The following TRAPPC9 variants were observed in gnomAD, a reference collection of about 807,000 sequenced individuals.
TRAPPC9 encodes the protein trafficking protein particle complex subunit 9.
In TRAPPC9, 83 loss-of-function variants were observed where a neutral mutation model predicts 124.0. The ratio of observed to expected loss-of-function variants is 0.67; its 90% CI spans 0.56 to 0.80. TRAPPC9 has a LOEUF of 0.80. TRAPPC9 is among the 30% of genes least tolerant of loss of function. The pLI is 0.00. For missense variants in TRAPPC9, 1,302 were observed against 1,508.3 expected, an observed-to-expected ratio of 0.86 and a Z score of 2.27; for synonymous variants, 638 against 617.5, an observed-to-expected ratio of 1.03 and a Z score of -0.49.
chr8:139,834,474 G>T (rs1358079555), intron 21 of TRAPPC9, among the ~76,000 whole-genome samples: 1 of 152,242 alleles, frequency 6.6e-6, no homozygotes, highest in Non-Finnish European at 1.5e-5. Flanking sequence ...AGGAAGGGGG[G>T]CGGGCACAGC....
rs1412430738 is a variant in TRAPPC9, at chr8:140,182,295, T to G, written c.2556+39164A>C. On this transcript the variant is annotated intron_variant, in intron 17 of 22. Transcript: ENST00000438773. This position sits in a 1 kb window ranked among gnomAD's most constrained non-coding sequence, Gnocchi z 4.0. ...CGAAGCCTGCCTTTCCCTAAGACCT[T>G]GGTCTATTCAACTGTTTTCTACATA... Among the ~76,000 whole-genome samples the G allele has an allele frequency of 6.6e-6, 1 of 152,018 alleles. No homozygotes were observed. Among genetic ancestry groups the G allele is most frequent in the African/African-American group, 2.4e-5 (1 of 41,378 alleles).
At chr8:140,390,433 T>G (rs1275311359) in intron 7 of TRAPPC9, among the ~76,000 whole-genome samples, 1 of 152,204 alleles carries the variant, frequency 6.6e-6, no homozygotes, top group African/African-American at 2.4e-5. Flanking sequence ...TCATTCTCAA[T>G]GCCTTCCTGG....
In TRAPPC9 at chr8:139,878,202, T is replaced by C. The variant is rs199973245; in HGVS notation, c.3055+7677A>G. 4.6e-5 allele frequency among the ~76,000 whole-genome samples: 7 copies of C among 152,340 alleles called. No individual in the cohort carries two copies. In the East Asian group the frequency reaches 1.3e-3, roughly 29 times the overall value. ...GTATAGTTCAGCCCTTAACAATATG[T>C]GCGAGACATGTTTATAACATGGGAA... On this transcript the variant is annotated intron_variant, in intron 21 of 22. Transcript: ENST00000438773.
At chr8:140,247,652 A>G (rs2064019350) in intron 16 of TRAPPC9, among the ~76,000 whole-genome samples, 1 of 151,912 alleles carries the variant, frequency 6.6e-6, no homozygotes, top group South Asian at 2.1e-4. Flanking sequence ...CTGGTGTCTC[A>G]TAGCAGATAT....
At chr8:139,999,319 T>C (rs1344714153) in intron 18 of TRAPPC9, among the ~76,000 whole-genome samples, 3 of 152,174 alleles carry the variant, frequency 2.0e-5, no homozygotes, top group Non-Finnish European at 4.4e-5. Context: ...TGGGCTGTTA[T>C]ATTAACATCA....
chr8:140,036,300 T>C (rs1425000912), intron 17 of TRAPPC9, among the ~76,000 whole-genome samples: 1 of 149,858 alleles, frequency 6.7e-6, no homozygotes, highest in East Asian at 1.9e-4. Flanking sequence ...GGTGCCAAGC[T>C]AGCAGATGAA....
chr8:139,883,457 G>A (rs1010639412), intron 21 of TRAPPC9, among the ~76,000 whole-genome samples: 1 of 152,272 alleles, frequency 6.6e-6, no homozygotes, highest in Non-Finnish European at 1.5e-5. Context: ...GCCTAGCCTA[G>A]AGCCTTCACG....
chr8:140,364,578 T>C (rs2068054243), intron 8 of TRAPPC9, among the ~76,000 whole-genome samples: 1 of 152,094 alleles, frequency 6.6e-6, no homozygotes, highest in African/African-American at 2.4e-5. Context: ...CCTCCACCAG[T>C]AACTCTTAGC....
At position 140,068,089 on chromosome 8, in the gene TRAPPC9, G is replaced by A. The variant is rs1049983124; in HGVS notation, c.2557-44010C>T. ...GTGTATGCGGGTGGGTGGAGACCTC[G>A]TGTGGGAATTGTCAGTCTCCTGTGT... On this transcript the variant is annotated intron_variant, in intron 17 of 22. Transcript: ENST00000438773. 3.9e-5 allele frequency among the ~76,000 whole-genome samples: 6 copies of A among 152,216 alleles called. No homozygotes were observed. In the East Asian group the frequency reaches 7.7e-4, roughly 20 times the overall value.
At chr8:140,301,764 C>T (rs555858839) in intron 10 of TRAPPC9, among the ~76,000 whole-genome samples, 1 of 152,308 alleles carries the variant, frequency 6.6e-6, no homozygotes, top group East Asian at 1.9e-4. Context: ...TGGGAGCCAC[C>T]GAGGCCTCTG....
At chr8:140,094,452 C>A (rs1469883383) in intron 17 of TRAPPC9, among the ~76,000 whole-genome samples, 1 of 152,192 alleles carries the variant, frequency 6.6e-6, no homozygotes, top group East Asian at 1.9e-4. Context: ...ACACCTCCTG[C>A]CCACCACCAC....
chr8:140,388,956 CT>C (rs1244741598), intron 7 of TRAPPC9, among the ~76,000 whole-genome samples: 4,490 of 125,326 alleles, frequency 0.036, 168 homozygotes, highest in African/African-American at 0.11. Flanking sequence ...CAAACACTGT[CT>C]TTTTTTTTTT....
chr8:140,344,677 A>T (rs1325505949), intron 9 of TRAPPC9, among the ~76,000 whole-genome samples: 1 of 152,284 alleles, frequency 6.6e-6, no homozygotes, highest in Non-Finnish European at 1.5e-5. Flanking sequence ...AGAGCCAGAA[A>T]TCAAGTTTGT....
intron 7 of TRAPPC9, among the ~76,000 whole-genome samples, chr8:140,387,451 G>T (rs1248356015): frequency 1.3e-5 from 2 of 152,014 alleles, no homozygotes; most frequent in African/African-American, 4.8e-5. Flanking sequence ...TACAGAATAG[G>T]AGAAAATTTT....
chr8:139,886,023 C>T (rs866185646), intron 20 of TRAPPC9, 54 bp from the exon 21 acceptor site: 13 of 1,505,914 alleles, frequency 8.6e-6, no homozygotes, highest in East Asian at 4.9e-5. Context: ...GACAGAAGAA[C>T]GTCTAGAAGT....
At chr8:139,997,313 C>T (rs933669446) in intron 18 of TRAPPC9, among the ~76,000 whole-genome samples, 1 of 151,456 alleles carries the variant, frequency 6.6e-6, no homozygotes, top group Non-Finnish European at 1.5e-5. Context: ...GCATCCTACC[C>T]AGGGGAGAAA....
intron 20 of TRAPPC9, among the ~76,000 whole-genome samples, chr8:139,905,462 C>T (rs1368561684): frequency 6.6e-6 from 1 of 152,136 alleles, no homozygotes; most frequent in African/African-American, 2.4e-5. Flanking sequence ...GAGTGCTTCC[C>T]GAGTGTGCCA....
intron 17 of TRAPPC9, among the ~76,000 whole-genome samples, chr8:140,138,909 G>A (rs2061343550): frequency 6.6e-6 from 1 of 152,152 alleles, no homozygotes; most frequent in South Asian, 2.1e-4. Context: ...CAGTGACCCA[G>A]GTGTGCAGTC....
intron 4 of TRAPPC9, among the ~76,000 whole-genome samples, chr8:140,434,055 C>A (rs913496666): frequency 1.3e-5 from 2 of 152,206 alleles, no homozygotes; most frequent in African/African-American, 4.8e-5. Context: ...CTGCTTTCCG[C>A]AACCAATCAG....
Sources: gnomAD v4.1 joint callset for allele counts (sites outside exome capture counted in the v4.1 genomes callset) on GRCh38, gnomAD v4.1.1 for gene constraint, Gnocchi (gnomAD v3.1) non-coding constraint, MANE v1.5 for transcripts, NCBI Gene and HGNC (gene_info 2026-07-23, HGNC 2026-07-21) for gene names.